Variants in KCNT2 observed in about 807,000 individuals in gnomAD.
KCNT2 encodes the protein potassium channel subfamily T member 2.
KCNT2 carries 67 observed loss-of-function variants against 153.8 expected under a neutral mutation model. The observed-to-expected ratio is 0.44, with a 90% CI of 0.36 to 0.53. The LOEUF is 0.53. Among genes scored for constraint, KCNT2 ranks in the 20% least tolerant of loss-of-function variants. The pLI is 0.00. For synonymous variants in KCNT2, 500 were observed against 458.8 expected (o/e 1.09, Z -1.15); for missense variants, 975 against 1,354.8 (o/e 0.72, Z 4.40).
At chr1:196,317,634 G>A (rs566505278) in intron 20 of KCNT2, among the ~76,000 whole-genome samples, 7 of 151,702 alleles carry the variant, frequency 4.6e-5, no homozygotes, top group East Asian at 3.9e-4. Flanking sequence ...GGAAAGGATA[G>A]GGCAGTCGAG....
intron 13 of KCNT2, among the ~76,000 whole-genome samples, chr1:196,383,989 A>ATATT (rs1284373135): frequency 6.6e-6 from 1 of 152,200 alleles, no homozygotes; most frequent in Non-Finnish European, 1.5e-5. Context: ...TAACAATACT[A>ATATT]TATTTTATAC....
chr1:196,269,024 T>G (rs1290968301), intron 25 of KCNT2, among the ~76,000 whole-genome samples: 1 of 152,090 alleles, frequency 6.6e-6, no homozygotes, highest in African/African-American at 2.4e-5. Context: ...TCCCATCCAC[T>G]TAGCACCTTA....
chr1:196,345,163 A>C (rs1267298834), intron 14 of KCNT2, among the ~76,000 whole-genome samples: 1 of 152,182 alleles, frequency 6.6e-6, no homozygotes, highest in Non-Finnish European at 1.5e-5. Context: ...TAGAGCCACT[A>C]GTGGGAGAGG....
At chr1:196,571,746 C>A (rs1455379187) in intron 1 of KCNT2, among the ~76,000 whole-genome samples, 5 of 151,994 alleles carry the variant, frequency 3.3e-5, no homozygotes, top group Non-Finnish European at 7.4e-5. Context: ...TCATTATTCC[C>A]CTAGACATGC....
intron 8 of KCNT2, among the ~76,000 whole-genome samples, chr1:196,449,376 A>G (rs575032661): frequency 4.0e-5 from 6 of 151,848 alleles, no homozygotes; most frequent in Admixed American, 1.3e-4. Flanking sequence ...ATGTAATTCA[A>G]TGGGCTAACA....
chr1:196,591,417 A>C (rs180722883), intron 1 of KCNT2, among the ~76,000 whole-genome samples: 151 of 152,280 alleles, frequency 9.9e-4, no homozygotes, highest in Admixed American at 2.3e-3. Flanking sequence ...CCTTTAGAGC[A>C]ATGCAAACAG....
intron 1 of KCNT2, among the ~76,000 whole-genome samples, chr1:196,593,307 T>TACACACACACAC (rs1380637836): frequency 8.0e-6 from 1 of 124,820 alleles, no homozygotes; most frequent in African/African-American, 4.0e-5. Context: ...TATATATATA[T>TACACACACACAC]ATATACACAC....
rs1444724557 is a variant in KCNT2, at chr1:196,434,301, CAT to C, written c.639-4546_639-4545del. Among the ~76,000 whole-genome samples, 7 of 152,074 alleles carry C rather than the reference CAT, an allele frequency of 4.6e-5. No individual in the cohort carries two copies. The East Asian group carries it at 7.7e-4, about 17-fold the overall frequency. ...ACTAGAGAACAGAGAAGAAAGATAA[CAT>C]ATATTTTTAATGATTCAAATATTGA... On this transcript the variant is annotated intron_variant, in intron 8 of 27. Transcript: ENST00000294725.
At chr1:196,354,412 A>G (rs1667007432) in intron 14 of KCNT2, among the ~76,000 whole-genome samples, 1 of 151,742 alleles carries the variant, frequency 6.6e-6, no homozygotes, top group African/African-American at 2.4e-5. Context: ...TTATATATTT[A>G]TATTTATTAT....
chr1:196,366,248 C>T (rs1004760346), intron 14 of KCNT2, among the ~76,000 whole-genome samples: 6 of 152,056 alleles, frequency 3.9e-5, no homozygotes, highest in African/African-American at 1.4e-4. Flanking sequence ...CAGCCTCTGC[C>T]TCCTGGGTTC....
At chr1:196,338,752 A>C (rs182526087) in intron 16 of KCNT2, among the ~76,000 whole-genome samples, 1 of 151,918 alleles carries the variant, frequency 6.6e-6, no homozygotes, top group Non-Finnish European at 1.5e-5. Flanking sequence ...CCTGCAGTTC[A>C]GGGAGAGAAG....
intron 25 of KCNT2, among the ~76,000 whole-genome samples, chr1:196,279,508 C>T (rs752519217): frequency 3.9e-5 from 6 of 151,906 alleles, no homozygotes; most frequent in Non-Finnish European, 7.4e-5. Flanking sequence ...CTGCAACCTC[C>T]GACTCCCAGG....
intron 1 of KCNT2, among the ~76,000 whole-genome samples, chr1:196,542,567 AC>A (rs1277755544): frequency 1.3e-5 from 2 of 152,084 alleles, no homozygotes; most frequent in Non-Finnish European, 2.9e-5. Flanking sequence ...GAGTTCATTC[AC>A]CTGCTCATCC....
intron 1 of KCNT2, among the ~76,000 whole-genome samples, chr1:196,519,149 A>G (rs1441205413): frequency 1.3e-5 from 2 of 152,144 alleles, no homozygotes; most frequent in African/African-American, 4.8e-5. Flanking sequence ...AAATCACTCA[A>G]AGCCATGCAA....
At chr1:196,242,245 T>C (rs1229823489) in intron 26 of KCNT2, among the ~76,000 whole-genome samples, 5 of 152,104 alleles carry the variant, frequency 3.3e-5, no homozygotes, top group African/African-American at 1.2e-4. Flanking sequence ...AGAATATTCA[T>C]TGCATGTCAA....
At chr1:196,560,337 G>T (rs2148920300) in intron 1 of KCNT2, among the ~76,000 whole-genome samples, 1 of 151,892 alleles carries the variant, frequency 6.6e-6, no homozygotes. Context: ...AAATGATTTT[G>T]GTGTTGTAAG....
chr1:196,479,357 T>A, intron 4 of KCNT2, 119 bp from the exon 5 acceptor site: 2 of 596,298 alleles, frequency 3.4e-6, no homozygotes, highest in East Asian at 6.1e-5. Context: ...GGGTGTATAA[T>A]AGGACTTATT....
chr1:196,550,879 T>G (rs1480099808), intron 1 of KCNT2, among the ~76,000 whole-genome samples: 1 of 151,744 alleles, frequency 6.6e-6, no homozygotes, highest in Non-Finnish European at 1.5e-5. Context: ...CATGGAAAAT[T>G]TAAAGGCAAT....
chr1:196,361,914 A>AGT (rs34545133), intron 14 of KCNT2, among the ~76,000 whole-genome samples: 36,002 of 150,402 alleles, frequency 0.24, 7,848 homozygotes, highest in African/African-American at 0.58. Flanking sequence ...TGTGAGTGTG[A>AGT]GTGTGTGTGT....
Sources: allele counts gnomAD v4.1 joint callset (sites outside exome capture counted in the v4.1 genomes callset), GRCh38; gene constraint gnomAD v4.1.1; transcripts MANE v1.5; gene names NCBI Gene and HGNC (gene_info 2026-07-23, HGNC 2026-07-21).